RHOBTB2: variants seen among roughly 807,000 people sequenced by gnomAD.
The protein encoded by RHOBTB2 is rho-related BTB domain-containing protein 2.
In RHOBTB2, 39 loss-of-function variants were observed where a neutral mutation model predicts 66.5. The observed-to-expected ratio is 0.59, with a 90% CI of 0.45 to 0.77. The LOEUF (loss-of-function observed/expected upper bound fraction) is 0.77, where lower values mean the gene tolerates loss of function less well. Ranked by LOEUF, RHOBTB2 falls within the 30% of genes least tolerant of loss-of-function variation. The pLI, the probability that RHOBTB2 is intolerant of heterozygous loss-of-function variation, is 0.00. For missense variants in RHOBTB2, 755 were observed against 999.1 expected (o/e 0.76, Z 3.29); for synonymous variants, 390 against 395.0 (o/e 0.99, Z 0.15).
At chr8:23,013,860 T>C (rs771079303) in intron 7 of RHOBTB2, among the ~76,000 whole-genome samples, 5 of 152,234 alleles carry the variant, frequency 3.3e-5, no homozygotes, top group Admixed American at 1.3e-4. Context: ...TGGTTTCAGT[T>C]AATTGCAGTT....
chr8:23,014,945 C>T (rs772218772), intron 8 of RHOBTB2, among the ~76,000 whole-genome samples, 167 bp downstream of exon 8: 10 of 152,168 alleles, frequency 6.6e-5, no homozygotes, highest in Middle Eastern at 3.2e-3. Flanking sequence ...CAGGAAGCAG[C>T]TGGGGAACTC....
intron 8 of RHOBTB2, 48 bp from the exon 9 acceptor site, chr8:23,015,590 C>A: frequency 7.3e-7 from 1 of 1,370,764 alleles, no homozygotes; most frequent in Non-Finnish European, 1.0e-6. Flanking sequence ...TATGCAGACC[C>A]TCTCCCCTGG....
At chr8:22,979,760 G>GTTTT in the RHOBTB2 span, among the ~76,000 whole-genome samples, 1 of 102,074 alleles carries the variant, frequency 9.8e-6, no homozygotes, top group Non-Finnish European at 1.9e-5. Context: ...TTTTTTTTTG[G>GTTTT]GACAGAGTGA....
At chr8:22,977,640 T>C in the RHOBTB2 span, among the ~76,000 whole-genome samples, 1 of 151,534 alleles carries the variant, frequency 6.6e-6, no homozygotes, top group African/African-American at 2.4e-5. Context: ...GAGAACACCT[T>C]AAGTGGTAGG....
chr8:23,008,860 G>C (rs920314205), intron 6 of RHOBTB2, among the ~76,000 whole-genome samples: 4 of 152,104 alleles, frequency 2.6e-5, no homozygotes, highest in African/African-American at 9.7e-5. Context: ...CAGTGGCCTG[G>C]AGTGTGAGGG....
chr8:22,955,739 TA>T, the RHOBTB2 span, among the ~76,000 whole-genome samples: 1 of 151,998 alleles, frequency 6.6e-6, no homozygotes, highest in African/African-American at 2.4e-5. Flanking sequence ...CCAACTAATT[TA>T]TAAATTATTT....
chr8:22,959,138 C>T, the RHOBTB2 span, among the ~76,000 whole-genome samples: 2 of 152,246 alleles, frequency 1.3e-5, no homozygotes, highest in African/African-American at 2.4e-5. Flanking sequence ...TGGTCTTTGC[C>T]CTGTGTGTAG....
upstream of RHOBTB2, chr8:22,994,732 C>A (rs1002054773): frequency 1.1e-6 from 1 of 937,284 alleles, no homozygotes; most frequent in Non-Finnish European, 1.7e-6. Context: ...TTTGTTGAAG[C>A]ACTAGACTGC....
chr8:23,005,180 T>C (rs1810909980), intron 2 of RHOBTB2, among the ~76,000 whole-genome samples, 192 bp from the exon 3 acceptor site: 1 of 152,098 alleles, frequency 6.6e-6, no homozygotes, highest in African/African-American at 2.4e-5. Flanking sequence ...AGGCCACCCT[T>C]GTTATAGATT....
chr8:22,986,680 C>T (rs998065368), upstream of RHOBTB2, among the ~76,000 whole-genome samples: 1 of 152,170 alleles, frequency 6.6e-6, no homozygotes, highest in Non-Finnish European at 1.5e-5. Context: ...TTTGGAGTGA[C>T]ATGGAGGCAT....
At chr8:22,966,429 T>G in the RHOBTB2 span, among the ~76,000 whole-genome samples, 1 of 151,070 alleles carries the variant, frequency 6.6e-6, no homozygotes, top group Non-Finnish European at 1.5e-5. Context: ...AAAAAACGGG[T>G]GAAGGACTTG....
intron 7 of RHOBTB2, 61 bp downstream of exon 7, chr8:23,010,749 C>G: frequency 6.4e-7 from 1 of 1,557,788 alleles, no homozygotes; most frequent in Non-Finnish European, 8.8e-7. Context: ...CCCCAAGGTG[C>G]AATGTTCTCC....
chr8:23,010,466 A>G lies in RHOBTB2; in HGVS notation c.1621-72A>G, dbSNP rs1020018959. ...TGGGTGTGAGGGCCAGAGCTCTTCAATTTCTCAGGGTTCAGTTCATCTTCT... is the reference window on the plus strand; with the variant it reads ...TGGGTGTGAGGGCCAGAGCTCTTCAGTTTCTCAGGGTTCAGTTCATCTTCT... On this transcript the variant is annotated intron_variant, in intron 6 of 9. Coordinates refer to ENST00000251822, the MANE Select transcript of RHOBTB2 (RefSeq NM_015178.3). 6 of 1,533,036 alleles carry G rather than the reference A, an allele frequency of 3.9e-6. No individual in the cohort carries two copies. In the African/African-American group the frequency reaches 5.5e-5, roughly 14 times the overall value. The allele number at this position is 1,533,036 out of a possible 1,614,324, so 95.0% of individuals were successfully genotyped here. A position where few individuals can be genotyped will look rare whatever the true frequency, so the allele number is the denominator to read the frequency against.
chr8:22,972,289 T>C, the RHOBTB2 span, among the ~76,000 whole-genome samples: 2 of 152,188 alleles, frequency 1.3e-5, no homozygotes, highest in South Asian at 2.1e-4. Context: ...AAAATTAACA[T>C]AACCTGGCCC....
upstream of RHOBTB2, among the ~76,000 whole-genome samples, chr8:22,998,273 T>C (rs1193747428): frequency 6.6e-6 from 1 of 152,236 alleles, no homozygotes; most frequent in African/African-American, 2.4e-5. Context: ...TAATCATATT[T>C]TGCATAAACT....
upstream of RHOBTB2, chr8:22,998,789 C>T (rs1288340639): frequency 6.7e-6 from 1 of 148,782 alleles, no homozygotes; most frequent in Non-Finnish European, 1.5e-5. Context: ...AAAGTGTCTT[C>T]TAGGGACCCC....
intron 6 of RHOBTB2, among the ~76,000 whole-genome samples, chr8:23,009,932 A>G (rs1811086518): frequency 6.6e-6 from 1 of 152,204 alleles, no homozygotes; most frequent in Admixed American, 6.5e-5. Flanking sequence ...TTTGTGTTGC[A>G]GCGCTGCTCT....
chr8:22,975,136 C>T, the RHOBTB2 span, among the ~76,000 whole-genome samples: 1 of 152,114 alleles, frequency 6.6e-6, no homozygotes, highest in South Asian at 2.1e-4. Flanking sequence ...CAGTTGTCCC[C>T]CTGGCGCATC....
rs765824594 is a variant in RHOBTB2 at position 23,006,785 on chromosome 8, G to A, written c.540G>A (p.Glu180=). 6.2e-7 allele frequency: 1 copy of A among 1,614,126 alleles called. No individual in the cohort carries two copies. The highest frequency in any genetic ancestry group is 8.5e-7 in the Non-Finnish European group (1 of 1,180,026). Residue 180 remains glutamate, a synonymous_variant, in exon 5 of 10, where the codon GAG becomes GAA. Coordinates refer to ENST00000251822, the MANE Select transcript of RHOBTB2 (RefSeq NM_015178.3). The surrounding 1 kb of genome is among the most constrained non-coding windows in gnomAD (Gnocchi z 6.1). ...AGAAGGGTCGGGAGGTGGCCAAGGA[G>A]CTGGGCATCCCCTACTATGAGACCA... is the stretch of plus-strand genomic sequence containing the variant. ...PPEKGREVAK[E]LGIPYYETSV...
Sources: allele counts gnomAD v4.1 joint callset (sites outside exome capture counted in the v4.1 genomes callset), GRCh38; gene constraint gnomAD v4.1.1; non-coding constraint Gnocchi (gnomAD v3.1); transcripts MANE v1.5; gene names NCBI Gene and HGNC (gene_info 2026-07-23, HGNC 2026-07-21).